The following XKR9 variants were observed in gnomAD, a reference collection of about 807,000 sequenced individuals.
The protein encoded by XKR9 is XK related 9.
XKR9 carries 32 observed loss-of-function variants against 32.0 expected under a neutral mutation model. That is an observed-to-expected ratio of 1.00 (90% CI 0.76 to 1.34). The LOEUF is 1.34. Ranked by LOEUF, XKR9 falls within the 40% of genes most tolerant of loss-of-function variation. The probability of loss-of-function intolerance (pLI) is 0.00; values close to 1 mark genes in which losing one functional copy is unlikely to be tolerated. For synonymous variants in XKR9, 168 were observed against 143.4 expected, an observed-to-expected ratio of 1.17 and a Z score of -1.22; for missense variants, 546 against 429.7, an observed-to-expected ratio of 1.27 and a Z score of -2.39.
At chr8:70,715,663 A>G (rs1806063193) in intron 4 of XKR9, among the ~76,000 whole-genome samples, 1 of 152,178 alleles carries the variant, frequency 6.6e-6, no homozygotes, top group Non-Finnish European at 1.5e-5. Flanking sequence ...CATCAAGCAC[A>G]TCATTATATC....
intron 3 of XKR9, among the ~76,000 whole-genome samples, chr8:70,705,049 T>A (rs1339230942): frequency 2.0e-5 from 3 of 152,188 alleles, no homozygotes; most frequent in African/African-American, 7.2e-5. Context: ...ATGCTCCTTT[T>A]TGCCAGACAA....
intron 3 of XKR9, among the ~76,000 whole-genome samples, chr8:70,704,456 T>C (rs1003680900): frequency 6.6e-6 from 1 of 152,150 alleles, no homozygotes; most frequent in Non-Finnish European, 1.5e-5. Context: ...GGTCTAAGCA[T>C]TTTACATATA....
At chr8:70,845,794 G>C in the XKR9 span, among the ~76,000 whole-genome samples, 14 of 152,122 alleles carry the variant, frequency 9.2e-5, no homozygotes, top group Non-Finnish European at 1.6e-4. Context: ...CAAAGCCCAT[G>C]TGACATATAT....
chr8:70,985,649 T>C, the XKR9 span, among the ~76,000 whole-genome samples: 1 of 152,176 alleles, frequency 6.6e-6, no homozygotes, highest in African/African-American at 2.4e-5. Flanking sequence ...CTGAGGAAAA[T>C]AATTATCTCT....
chr8:70,847,448 A>G, the XKR9 span, among the ~76,000 whole-genome samples: 1 of 152,068 alleles, frequency 6.6e-6, no homozygotes, highest in South Asian at 2.1e-4. Context: ...GAACAAACCA[A>G]ATCCCAAATA....
the XKR9 span, among the ~76,000 whole-genome samples, chr8:71,029,974 T>C: frequency 6.6e-6 from 1 of 152,002 alleles, no homozygotes; most frequent in Non-Finnish European, 1.5e-5. Context: ...TGTGTATCTT[T>C]AATAGGCTAC....
chr8:71,057,300 G>A, the XKR9 span, among the ~76,000 whole-genome samples: 2 of 152,132 alleles, frequency 1.3e-5, no homozygotes, highest in Non-Finnish European at 2.9e-5. Flanking sequence ...TTCATCCACA[G>A]AACTGTCATC....
At chr8:70,932,538 C>T in the XKR9 span, among the ~76,000 whole-genome samples, 1 of 152,076 alleles carries the variant, frequency 6.6e-6, no homozygotes, top group African/African-American at 2.4e-5. Flanking sequence ...ATTGCATGGA[C>T]CACTTCTGTA....
At chr8:70,775,934 T>G (rs1032484955) in intron 2 of XKR9, among the ~76,000 whole-genome samples, 12 of 151,996 alleles carry the variant, frequency 7.9e-5, no homozygotes, top group Non-Finnish European at 1.5e-4. Context: ...TTTGTCGAGA[T>G]GGGGTCTTGC....
intron 4 of XKR9, among the ~76,000 whole-genome samples, chr8:70,715,949 C>G (rs1205715446): frequency 6.6e-6 from 1 of 151,414 alleles, no homozygotes; most frequent in African/African-American, 2.4e-5. Flanking sequence ...TCAGGAAGGC[C>G]TGGCAAAAGT....
intron 2 of XKR9, among the ~76,000 whole-genome samples, chr8:70,771,473 T>C (rs1213695067): frequency 1.3e-5 from 2 of 152,214 alleles, no homozygotes; most frequent in Non-Finnish European, 2.9e-5. Flanking sequence ...CTCTTTATAT[T>C]AATGGGGCAA....
At chr8:70,981,995 T>G in the XKR9 span, among the ~76,000 whole-genome samples, 1 of 152,210 alleles carries the variant, frequency 6.6e-6, no homozygotes, top group Non-Finnish European at 1.5e-5. Context: ...ATATGATCTA[T>G]GTTCATGTCT....
the XKR9 span, among the ~76,000 whole-genome samples, chr8:71,018,668 A>G: frequency 6.6e-6 from 1 of 152,214 alleles, no homozygotes; most frequent in African/African-American, 2.4e-5. Context: ...GAATGAGCAG[A>G]GCTGTAAAGT....
chr8:70,789,788 T>G (rs1187348534), intron 3 of XKR9, among the ~76,000 whole-genome samples: 3 of 152,084 alleles, frequency 2.0e-5, no homozygotes, highest in African/African-American at 4.8e-5. Flanking sequence ...GGTTCAGGTT[T>G]AAGTAATTAC....
chr8:70,698,928 A>G (rs1226042564), intron 3 of XKR9, among the ~76,000 whole-genome samples: 1 of 152,032 alleles, frequency 6.6e-6, no homozygotes, highest in Non-Finnish European at 1.5e-5. Context: ...TGATCCCTTT[A>G]CCATTAAGTA....
intron 3 of XKR9, among the ~76,000 whole-genome samples, chr8:70,701,622 G>C (rs542811052): frequency 6.6e-6 from 1 of 152,216 alleles, no homozygotes; most frequent in East Asian, 1.9e-4. Context: ...ATAAAAATGG[G>C]CCAAATTATC....
chr8:70,875,689 A>G, the XKR9 span, among the ~76,000 whole-genome samples: 1 of 152,168 alleles, frequency 6.6e-6, no homozygotes, highest in Non-Finnish European at 1.5e-5. Flanking sequence ...TGCAAGATCA[A>G]CATACTCCAT....
chr8:71,040,623 C>T, the XKR9 span, among the ~76,000 whole-genome samples: 53 of 152,124 alleles, frequency 3.5e-4, no homozygotes, highest in South Asian at 5.8e-3. Context: ...TTACTTTCTC[C>T]GTGAGTTAGT....
the XKR9 span, among the ~76,000 whole-genome samples, chr8:70,996,843 T>C: frequency 0.55 from 83,292 of 152,036 alleles, 23,736 homozygotes; most frequent in Middle Eastern, 0.62. Context: ...TCCAGAGCTA[T>C]CCTCCCTATA....
Sources: gnomAD v4.1 joint callset for allele counts (sites outside exome capture counted in the v4.1 genomes callset) on GRCh38, gnomAD v4.1.1 for gene constraint, MANE v1.5 for transcripts, NCBI Gene and HGNC (gene_info 2026-07-23, HGNC 2026-07-21) for gene names.